LRRC1: variants seen among roughly 807,000 people sequenced by gnomAD.
LRRC1 encodes leucine-rich repeat-containing protein 1.
LRRC1 carries 28 observed loss-of-function variants against 69.9 expected under a neutral mutation model. The ratio of observed to expected loss-of-function variants is 0.40; its 90% CI spans 0.30 to 0.55. LRRC1 has a LOEUF of 0.55. Ranked by LOEUF, LRRC1 falls within the 20% of genes least tolerant of loss-of-function variation. The pLI is 0.47. For synonymous variants in LRRC1, 236 were observed against 240.2 expected (o/e 0.98, Z 0.16); for missense variants, 498 against 609.0 (o/e 0.82, Z 1.92).
chr6:53,818,102 C>T (rs1765005126), intron 1 of LRRC1, among the ~76,000 whole-genome samples: 1 of 152,178 alleles, frequency 6.6e-6, no homozygotes, highest in Non-Finnish European at 1.5e-5. Flanking sequence ...TCTGTGCTTC[C>T]TTTCTAAGGA....
At chr6:53,815,045 A>G (rs940155017) in intron 1 of LRRC1, among the ~76,000 whole-genome samples, 1 of 139,308 alleles carries the variant, frequency 7.2e-6, no homozygotes, top group Non-Finnish European at 1.5e-5. Flanking sequence ...GTTTGGACTG[A>G]TTCTTTATGA....
intron 1 of LRRC1, among the ~76,000 whole-genome samples, chr6:53,829,458 A>G (rs1765369017): frequency 6.6e-6 from 1 of 152,200 alleles, no homozygotes; most frequent in Non-Finnish European, 1.5e-5. Flanking sequence ...TTAATGTTAA[A>G]TTGCTCTCAC....
intron 2 of LRRC1, among the ~76,000 whole-genome samples, chr6:53,859,057 A>G (rs1766411234): frequency 1.3e-5 from 2 of 152,220 alleles, no homozygotes; most frequent in South Asian, 2.1e-4. Context: ...TATCACAAGT[A>G]TAGCAGAAGG....
chr6:53,864,729 T>C (rs945082181), intron 2 of LRRC1, among the ~76,000 whole-genome samples: 1 of 151,956 alleles, frequency 6.6e-6, no homozygotes, highest in Non-Finnish European at 1.5e-5. Flanking sequence ...TTGTGTGGAG[T>C]TATATAGTCA....
intron 4 of LRRC1, among the ~76,000 whole-genome samples, chr6:53,890,203 T>A (rs1388248223): frequency 6.6e-6 from 1 of 152,190 alleles, no homozygotes; most frequent in African/African-American, 2.4e-5. Flanking sequence ...AGCCTAAATA[T>A]CTCTACTCCC....
intron 2 of LRRC1, among the ~76,000 whole-genome samples, chr6:53,851,732 TACAC>T (rs1026690160): frequency 6.6e-6 from 1 of 151,872 alleles, no homozygotes; most frequent in Non-Finnish European, 1.5e-5. Context: ...CACACACACA[TACAC>T]ACACAAAATC....
chr6:53,827,627 T>C (rs1010505079), intron 1 of LRRC1, among the ~76,000 whole-genome samples: 2 of 152,154 alleles, frequency 1.3e-5, no homozygotes, highest in African/African-American at 4.8e-5. Context: ...AATGATTCAC[T>C]GGTGCCAGAA....
At position 53,795,413 on chromosome 6, in the gene LRRC1, G is replaced by C. The variant is rs769150436; in HGVS notation, c.157G>C (p.Glu53Gln). The C allele has an allele frequency of 6.2e-7, 1 of 1,610,800 alleles. No individual in the cohort carries two copies. The highest frequency in any genetic ancestry group is 2.2e-5 in the East Asian group (1 of 44,848). ...CGCCAACCAGCTCCGCGAGCTGCCC[G>C]AGGTAAGGGTCCGGCCTCACCTGAG... is the stretch of plus-strand genomic sequence containing the variant. ...LDANQLRELP[E>Q]QFFQLVKLRK... The change falls in exon 1 of 14, where the codon GAG (glutamate) becomes CAG (glutamine). Residue 53 changes from glutamate to glutamine, a missense_variant and splice_region_variant. This residue lies in a region of LRRC1 where 266 missense variants were observed against 383.9 expected (regional missense o/e 0.69). Transcript: ENST00000370888.
intron 1 of LRRC1, 84 bp from the exon 2 acceptor site, chr6:53,842,026 G>C: frequency 1.2e-6 from 1 of 800,418 alleles, no homozygotes; most frequent in South Asian, 1.6e-5. Flanking sequence ...GTTTTTAAAA[G>C]ACATTGTTTT....
chr6:53,887,189 T>TAA (rs1022720787), intron 4 of LRRC1, among the ~76,000 whole-genome samples: 1 of 151,090 alleles, frequency 6.6e-6, no homozygotes, highest in Non-Finnish European at 1.5e-5. Context: ...AAGCAACTAT[T>TAA]AAAAAAAAAC....
chr6:53,799,536 C>T (rs564426570), intron 1 of LRRC1, among the ~76,000 whole-genome samples: 33 of 152,320 alleles, frequency 2.2e-4, no homozygotes, highest in Admixed American at 7.2e-4. Flanking sequence ...TTTCAGAATC[C>T]GGTGTCCTTG....
At chr6:53,837,951 C>T (rs561663654) in intron 1 of LRRC1, among the ~76,000 whole-genome samples, 1 of 152,246 alleles carries the variant, frequency 6.6e-6, no homozygotes, top group South Asian at 2.1e-4. Flanking sequence ...GGTTAGTGAG[C>T]TATAATCAAA....
At chr6:53,830,857 TTG>T (rs1162948552) in intron 1 of LRRC1, among the ~76,000 whole-genome samples, 2 of 151,214 alleles carry the variant, frequency 1.3e-5, no homozygotes, top group Non-Finnish European at 2.9e-5. Flanking sequence ...GCAATTAAAA[TTG>T]TGTGATTTTA....
Position 53,795,062 on chromosome 6 carries a change from G to C in LRRC1, c.-195G>C, listed in dbSNP as rs555629404. On this transcript the variant is annotated 5_prime_UTR_variant, in exon 1 of 14. Coordinates refer to ENST00000370888, the MANE Select transcript of LRRC1 (RefSeq NM_018214.5). Reference sequence around the variant, plus strand: ...ACCGGCTGGCGGGCGGGGGTACAGGGACGGGGCAGGGGCTCCCGCTCCAGG... The same window carrying C: ...ACCGGCTGGCGGGCGGGGGTACAGGCACGGGGCAGGGGCTCCCGCTCCAGG... 37 of 465,538 alleles carry C rather than the reference G, an allele frequency of 7.9e-5. No individual in the cohort carries two copies. The highest frequency in any genetic ancestry group is 7.1e-4 in the African/African-American group (34 of 48,174). The allele number at this position is 465,538 out of a possible 1,614,324, so 28.8% of individuals were successfully genotyped here.
intron 2 of LRRC1, among the ~76,000 whole-genome samples, chr6:53,861,497 C>A (rs1766519178): frequency 6.6e-6 from 1 of 150,452 alleles, no homozygotes; most frequent in Non-Finnish European, 1.5e-5. Context: ...GAATCAGTCG[C>A]TGGGAGTGGG....
At chr6:53,897,435 A>G (rs902511235) in intron 7 of LRRC1, 76 bp downstream of exon 7, 2 of 1,071,936 alleles carry the variant, frequency 1.9e-6, no homozygotes, top group African/African-American at 1.6e-5. Context: ...CTGCTGCCAC[A>G]TAAGGTTTGC....
chr6:53,831,411 C>G (rs77627600), intron 1 of LRRC1, among the ~76,000 whole-genome samples: 4,323 of 152,284 alleles, frequency 0.028, 91 homozygotes, highest in Non-Finnish European at 0.043. Flanking sequence ...ACCCTCCCGC[C>G]CCTTTTGGAA....
intron 2 of LRRC1, among the ~76,000 whole-genome samples, chr6:53,855,343 A>T (rs1766275721): frequency 6.6e-6 from 1 of 152,226 alleles, no homozygotes; most frequent in African/African-American, 2.4e-5. Context: ...CGAGTGAATG[A>T]ATGAGTGCTG....
chr6:53,880,038 C>T (rs997716431), intron 3 of LRRC1, among the ~76,000 whole-genome samples: 5 of 152,106 alleles, frequency 3.3e-5, no homozygotes, highest in African/African-American at 1.2e-4. Flanking sequence ...TCTTTTCTGT[C>T]TTTTTTCTTT....
Sources: allele counts gnomAD v4.1 joint callset (sites outside exome capture counted in the v4.1 genomes callset), GRCh38; gene constraint gnomAD v4.1.1; regional missense constraint gnomAD v4.1.1; transcripts MANE v1.5; gene names NCBI Gene and HGNC (gene_info 2026-07-23, HGNC 2026-07-21).